The following JPH1 variants were observed in gnomAD, a reference collection of about 807,000 sequenced individuals.
JPH1 encodes junctophilin-1.
A neutral mutation model predicts 53.6 loss-of-function variants in JPH1; 12 were observed. The ratio of observed to expected loss-of-function variants is 0.22; its 90% CI spans 0.14 to 0.36. The LOEUF (loss-of-function observed/expected upper bound fraction) is 0.36. Ranked by LOEUF, JPH1 falls within the 10% of genes least tolerant of loss-of-function variation. The probability of loss-of-function intolerance (pLI) is 1.00; values close to 1 mark genes in which losing one functional copy is unlikely to be tolerated. For missense variants in JPH1, 808 were observed against 905.5 expected, an observed-to-expected ratio of 0.89 and a Z score of 1.38; for synonymous variants, 375 against 363.8, an observed-to-expected ratio of 1.03 and a Z score of -0.35.
At chr8:74,253,519 A>G (rs1563397101) in intron 3 of JPH1, among the ~76,000 whole-genome samples, 1 of 152,152 alleles carries the variant, frequency 6.6e-6, no homozygotes, top group African/African-American at 2.4e-5. Flanking sequence ...AAAAGCTAGC[A>G]GAAGGCAAGA....
At chr8:74,250,547 A>C (rs1372497077) in intron 3 of JPH1, among the ~76,000 whole-genome samples, 1 of 152,238 alleles carries the variant, frequency 6.6e-6, no homozygotes, top group Non-Finnish European at 1.5e-5. Flanking sequence ...TACCCTCTAA[A>C]GCAAGCTTGT....
chr8:74,310,161 C>G (rs1026766010), intron 2 of JPH1, among the ~76,000 whole-genome samples: 4 of 152,080 alleles, frequency 2.6e-5, no homozygotes, highest in African/African-American at 9.6e-5. Context: ...CATCTAAGAG[C>G]AGAGCAGTTG....
Position 74,299,630 on chromosome 8 carries a change from TC to T in JPH1, c.1139+15230del, listed in dbSNP as rs201049336. On this transcript the variant is annotated intron_variant, in intron 2 of 5. Transcript: ENST00000342232. ...GGTGGCTGCCTGATGTGCGAATTGT[TC>T]TTTGCTCAATTAAACTCTGTTAAAT... is the stretch of plus-strand genomic sequence containing the variant. 9.2e-3 allele frequency among the ~76,000 whole-genome samples: 1,405 copies of T among 152,354 alleles called. 9 individuals carry two copies. The highest frequency in any genetic ancestry group is 0.031 in the Middle Eastern group (9 of 294).
chr8:74,303,103 G>T (rs148689793), intron 2 of JPH1, among the ~76,000 whole-genome samples: 1 of 152,200 alleles, frequency 6.6e-6, no homozygotes, highest in East Asian at 1.9e-4. Context: ...CAAATTCCTA[G>T]TCACTTAATG....
Position 74,314,853 on chromosome 8 carries a change from T to G in JPH1, c.1139+8A>C, listed in dbSNP as rs1808094527. The G allele has an allele frequency of 2.5e-6, 4 of 1,613,890 alleles. No homozygotes were observed. The East Asian group carries it at 8.9e-5, about 36-fold the overall frequency. ...CCCAGCAAAACCAACCACCCTGCAT[T>G]TACTTACCTTGAATTTGCTATTTCC... is the stretch of plus-strand genomic sequence containing the variant. On this transcript the variant is annotated splice_region_variant and intron_variant, in intron 2 of 5. Transcript: ENST00000342232.
chr8:74,314,715 T>C, intron 2 of JPH1, 146 bp downstream of exon 2: 2 of 964,398 alleles, frequency 2.1e-6, no homozygotes, highest in Non-Finnish European at 3.1e-6. Context: ...ACTTTGATTC[T>C]ACTGAGTGTA....
In JPH1 at chr8:74,254,365, A is replaced by C. The variant is rs561270703; in HGVS notation, c.1258+5020T>G. On this transcript the variant is annotated intron_variant, in intron 3 of 5. Coordinates refer to ENST00000342232, the MANE Select transcript of JPH1 (RefSeq NM_020647.4). Reference sequence around the variant, plus strand: ...ACAACTCTTCATGCTAAAAACTCTCAATAAATTAGGTATTGATGGGATGTA... The same window carrying C: ...ACAACTCTTCATGCTAAAAACTCTCCATAAATTAGGTATTGATGGGATGTA... Among the ~76,000 whole-genome samples the C allele has an allele frequency of 6.4e-3, 977 of 152,210 alleles. 18 individuals carry two copies. Among genetic ancestry groups the C allele is most frequent in the African/African-American group, 0.022 (929 of 41,456 alleles).
chr8:74,245,085 T>G lies in JPH1; in HGVS notation c.1349A>C (p.Lys450Thr), dbSNP rs1388633182. ...EKVPEKPPTP[K>T]ESPHFYRKGT... ...TTTGCGATAAAAATGAGGAGACTCC[T>G]TTGGTGTAGGTGGCTTTTCTGGTAC... Residue 450 changes from lysine (K) to threonine (T), a missense_variant, in exon 4 of 6, where the codon AAG becomes ACG. By Grantham distance (78) the Lys-to-Thr change is moderately conservative. Transcript: ENST00000342232. The G allele has an allele frequency of 6.2e-7, 1 of 1,613,836 alleles. No homozygotes were observed. The highest frequency in any genetic ancestry group is 1.7e-5 in the Admixed American group (1 of 59,980).
At chr8:74,314,696 A>C (rs966198653) in intron 2 of JPH1, among the ~76,000 whole-genome samples, 165 bp downstream of exon 2, 2 of 152,234 alleles carry the variant, frequency 1.3e-5, no homozygotes, top group African/African-American at 4.8e-5. Context: ...CAGTGCAGGT[A>C]CATTTCTGAC....
intron 4 of JPH1, among the ~76,000 whole-genome samples, chr8:74,241,568 A>G (rs966834136): frequency 2.0e-5 from 3 of 152,196 alleles, no homozygotes; most frequent in Admixed American, 2.0e-4. Flanking sequence ...TTTTCCTTTA[A>G]GAGATTGTCA....
At chr8:74,273,220 T>C (rs1023612702) in intron 2 of JPH1, among the ~76,000 whole-genome samples, 1 of 152,238 alleles carries the variant, frequency 6.6e-6, no homozygotes, top group Non-Finnish European at 1.5e-5. Flanking sequence ...GTTTGCTCGA[T>C]GGGTTTAATA....
At position 74,306,103 on chromosome 8, in the gene JPH1, T is replaced by C. The variant is rs148382652; in HGVS notation, c.1139+8758A>G. Among the ~76,000 whole-genome samples the C allele has an allele frequency of 3.1e-3, 476 of 152,328 alleles. 2 individuals are homozygous for C. Among genetic ancestry groups the C allele is most frequent in the Admixed American group, 4.4e-3 (67 of 15,302 alleles). ...CATAACACAAAGTGTTCCCATGTTA[T>C]GCGTAATGACCCGTTGCGTGGTGAG... On this transcript the variant is annotated intron_variant, in intron 2 of 5. Transcript: ENST00000342232.
intron 3 of JPH1, among the ~76,000 whole-genome samples, chr8:74,253,425 C>A (rs1806125516): frequency 6.6e-6 from 1 of 151,894 alleles, no homozygotes; most frequent in South Asian, 2.1e-4. Context: ...CACTAAATGC[C>A]CACAAGAGAA....
At chr8:74,263,883 C>T (rs1436157125) in intron 2 of JPH1, among the ~76,000 whole-genome samples, 1 of 152,136 alleles carries the variant, frequency 6.6e-6, no homozygotes, top group Non-Finnish European at 1.5e-5. Flanking sequence ...TTTGAGAAAA[C>T]CAATTATCCT....
At chr8:74,281,710 C>A (rs1807021371) in intron 2 of JPH1, among the ~76,000 whole-genome samples, 1 of 152,180 alleles carries the variant, frequency 6.6e-6, no homozygotes, top group African/African-American at 2.4e-5. Flanking sequence ...GCTACCCCAA[C>A]CCTGACCTGA....
At chr8:74,282,457 G>A (rs749526227) in intron 2 of JPH1, among the ~76,000 whole-genome samples, 3 of 152,160 alleles carry the variant, frequency 2.0e-5, no homozygotes, top group East Asian at 1.9e-4. Flanking sequence ...GAGATGTCAC[G>A]AATATGCATG....
intron 2 of JPH1, among the ~76,000 whole-genome samples, chr8:74,282,055 A>G (rs1184483455): frequency 6.6e-6 from 1 of 152,164 alleles, no homozygotes; most frequent in Non-Finnish European, 1.5e-5. Context: ...ATTACATAAG[A>G]TCCAGCTCAT....
chr8:74,283,408 G>A (rs981471654), intron 2 of JPH1, among the ~76,000 whole-genome samples: 1 of 152,084 alleles, frequency 6.6e-6, no homozygotes, highest in African/African-American at 2.4e-5. Flanking sequence ...TGCTTATAGA[G>A]GGGAATGGGA....
chr8:74,299,853 T>C (rs1176118771), intron 2 of JPH1, among the ~76,000 whole-genome samples: 3 of 152,220 alleles, frequency 2.0e-5, no homozygotes, highest in Admixed American at 6.5e-5. Context: ...CTGTTACAAA[T>C]ATAGCAACTG....
Sources: gnomAD v4.1 joint callset for allele counts (sites outside exome capture counted in the v4.1 genomes callset) on GRCh38, gnomAD v4.1.1 for gene constraint, MANE v1.5 for transcripts, NCBI Gene and HGNC (gene_info 2026-07-23, HGNC 2026-07-21) for gene names.